The following SGCZ variants were observed in gnomAD, a reference collection of about 807,000 sequenced individuals.
The protein encoded by SGCZ is zeta-sarcoglycan.
A neutral mutation model predicts 41.3 loss-of-function variants in SGCZ; 40 were observed. That is an observed-to-expected ratio of 0.97 (90% CI 0.75 to 1.26). The LOEUF is 1.26. Among genes scored for constraint, SGCZ ranks in the 50% most tolerant of loss-of-function variants. The pLI is 0.00. For synonymous variants in SGCZ, 206 were observed against 137.5 expected (o/e 1.50, Z -3.49); for missense variants, 552 against 369.8 (o/e 1.49, Z -4.04).
intron 3 of SGCZ, among the ~76,000 whole-genome samples, chr8:14,272,464 G>A (rs1231495685): frequency 6.6e-6 from 1 of 152,178 alleles, no homozygotes; most frequent in Non-Finnish European, 1.5e-5. Context: ...GTCCTGACTG[G>A]TAGCACTTGG....
At chr8:14,615,418 G>A (rs1212012741) in intron 1 of SGCZ, among the ~76,000 whole-genome samples, 2 of 152,312 alleles carry the variant, frequency 1.3e-5, no homozygotes, top group South Asian at 4.1e-4. Context: ...TCACTGCTGG[G>A]TGGAGCTCTC....
intron 1 of SGCZ, among the ~76,000 whole-genome samples, chr8:14,983,266 G>A (rs148893208): frequency 1.3e-4 from 20 of 150,596 alleles, no homozygotes; most frequent in Non-Finnish European, 2.7e-4. Context: ...GCTCACTGCA[G>A]CCTCCAACTG....
intron 1 of SGCZ, among the ~76,000 whole-genome samples, chr8:14,998,650 T>G (rs558969872): frequency 6.3e-4 from 96 of 152,334 alleles, no homozygotes; most frequent in African/African-American, 2.1e-3. Flanking sequence ...AAGAGGAATT[T>G]TACTAGGTAT....
intron 2 of SGCZ, among the ~76,000 whole-genome samples, chr8:14,508,750 G>A (rs112171872): frequency 1.3e-5 from 2 of 152,070 alleles, no homozygotes; most frequent in Non-Finnish European, 2.9e-5. Flanking sequence ...GACTAAATTA[G>A]TTTTAATAGG....
Position 14,633,643 on chromosome 8 carries a change from G to A in SGCZ, c.40-78717C>T, listed in dbSNP as rs556463145. On this transcript the variant is annotated intron_variant, in intron 1 of 7. Transcript: ENST00000382080. Reference sequence around the variant, plus strand: ...CAGCTGTTTTTATCTAATTAGGGAAGTCATAACAGATCTTCTTACTTATTT... The same window carrying A: ...CAGCTGTTTTTATCTAATTAGGGAAATCATAACAGATCTTCTTACTTATTT... Among the ~76,000 whole-genome samples the A allele has an allele frequency of 2.0e-5, 3 of 151,844 alleles. No homozygotes were observed. The East Asian group carries it at 5.8e-4, about 29-fold the overall frequency.
rs1320451114 is a variant in SGCZ, at chr8:14,710,326, C to T, written c.40-155400G>A. Among the ~76,000 whole-genome samples the T allele has an allele frequency of 5.5e-5, 8 of 144,540 alleles. No homozygotes were observed. The South Asian group carries it at 6.5e-4, about 12-fold the overall frequency. The allele number at this position is 144,540 out of a possible 152,430, so 94.8% of individuals were successfully genotyped here. ...CAGAGCTTGCAGTGAGCGGAGATCG[C>T]GCCACTGCACTCCAGCCTGGGCGAC... On this transcript the variant is annotated intron_variant, in intron 1 of 7. Transcript: ENST00000382080.
intron 2 of SGCZ, among the ~76,000 whole-genome samples, chr8:14,537,291 G>C (rs570555390): frequency 1.2e-4 from 18 of 151,808 alleles, no homozygotes; most frequent in Non-Finnish European, 1.6e-4. Context: ...AGACCAGGGT[G>C]GGGGGTCGTC....
At chr8:14,320,579 C>A (rs534667043) in intron 3 of SGCZ, among the ~76,000 whole-genome samples, 1 of 151,982 alleles carries the variant, frequency 6.6e-6, no homozygotes, top group Non-Finnish European at 1.5e-5. Flanking sequence ...ACACAAGGTG[C>A]AGAACTGGTG....
intron 2 of SGCZ, among the ~76,000 whole-genome samples, chr8:14,420,281 C>G (rs982080998): frequency 6.6e-6 from 1 of 151,886 alleles, no homozygotes; most frequent in Non-Finnish European, 1.5e-5. Flanking sequence ...AAAAATAAAT[C>G]TTTGCAGCCA....
intron 1 of SGCZ, among the ~76,000 whole-genome samples, chr8:14,698,629 T>TG (rs1340016830): frequency 6.6e-6 from 1 of 151,812 alleles, no homozygotes; most frequent in African/African-American, 2.4e-5. Flanking sequence ...AGCATATGTG[T>TG]GGGGGGGTAT....
chr8:15,225,729 T>C (rs1192039522), intron 1 of SGCZ, among the ~76,000 whole-genome samples: 4 of 152,166 alleles, frequency 2.6e-5, no homozygotes, highest in Non-Finnish European at 5.9e-5. Context: ...GCTTGGAGAC[T>C]GGCTGGACAG....
At chr8:14,153,545 T>C (rs1585183114) in intron 5 of SGCZ, among the ~76,000 whole-genome samples, 1 of 152,092 alleles carries the variant, frequency 6.6e-6, no homozygotes. Context: ...AAGAGAGAAA[T>C]AAAATGGACC....
intron 2 of SGCZ, among the ~76,000 whole-genome samples, chr8:14,451,282 A>T (rs972995479): frequency 6.6e-6 from 1 of 152,246 alleles, no homozygotes; most frequent in African/African-American, 2.4e-5. Context: ...TTCATTTTTG[A>T]TGAAAATTTA....
intron 3 of SGCZ, among the ~76,000 whole-genome samples, chr8:14,278,659 C>T (rs1800316038): frequency 6.6e-6 from 1 of 152,074 alleles, no homozygotes; most frequent in African/African-American, 2.4e-5. Flanking sequence ...ATATATTCTG[C>T]CAATGAAATT....
chr8:14,371,334 T>C (rs1228772286), intron 2 of SGCZ, among the ~76,000 whole-genome samples: 1 of 152,050 alleles, frequency 6.6e-6, no homozygotes, highest in Non-Finnish European at 1.5e-5. Context: ...GCAAGCCAGT[T>C]CAGTTAAATG....
chr8:14,273,063 T>A (rs1280664052), intron 3 of SGCZ, among the ~76,000 whole-genome samples: 1 of 151,916 alleles, frequency 6.6e-6, no homozygotes, highest in East Asian at 1.9e-4. Context: ...CAAAATTTTG[T>A]ATACAATTTC....
At chr8:14,465,890 C>G (rs1463094265) in intron 2 of SGCZ, among the ~76,000 whole-genome samples, 1 of 151,792 alleles carries the variant, frequency 6.6e-6, no homozygotes, top group African/African-American at 2.4e-5. Flanking sequence ...ATGAGGAAAA[C>G]AAAATGTAAG....
At chr8:14,712,072 C>A (rs1809536894) in intron 1 of SGCZ, among the ~76,000 whole-genome samples, 1 of 152,174 alleles carries the variant, frequency 6.6e-6, no homozygotes, top group South Asian at 2.1e-4. Context: ...AGTTCAAGAC[C>A]AGCCTGGCCA....
chr8:14,401,520 G>C (rs1799075780), intron 2 of SGCZ, among the ~76,000 whole-genome samples: 1 of 145,494 alleles, frequency 6.9e-6, no homozygotes, highest in Non-Finnish European at 1.5e-5. Context: ...TCCCACCTGT[G>C]AGTGAGAATA....
Sources: allele counts gnomAD v4.1 joint callset (sites outside exome capture counted in the v4.1 genomes callset), GRCh38; gene constraint gnomAD v4.1.1; transcripts MANE v1.5; gene names NCBI Gene and HGNC (gene_info 2026-07-23, HGNC 2026-07-21).